The following EVA1C variants were observed in gnomAD, a reference collection of about 807,000 sequenced individuals.
EVA1C encodes the protein eva-1 homolog C.
In EVA1C, 25 loss-of-function variants were observed where a neutral mutation model predicts 45.4. The ratio of observed to expected loss-of-function variants is 0.55; its 90% confidence interval spans 0.40 to 0.77. EVA1C has a LOEUF of 0.77. EVA1C is among the 30% of genes least tolerant of loss of function. The probability of loss-of-function intolerance (pLI) is 0.00; values close to 1 mark genes in which losing one functional copy is unlikely to be tolerated. For synonymous variants in EVA1C, 190 were observed against 221.2 expected, an observed-to-expected ratio of 0.86 and a Z score of 1.25; for missense variants, 479 against 554.8, an observed-to-expected ratio of 0.86 and a Z score of 1.37.
chr21:32,441,257 GC>G (rs1186299022), intron 1 of EVA1C, among the ~76,000 whole-genome samples: 3 of 152,158 alleles, frequency 2.0e-5, no homozygotes, highest in Non-Finnish European at 2.9e-5. Flanking sequence ...GCAAGATAAA[GC>G]AGAGTTAGGG....
At chr21:32,497,470 AG>A (rs1044674264) in intron 5 of EVA1C, among the ~76,000 whole-genome samples, 2 of 152,202 alleles carry the variant, frequency 1.3e-5, no homozygotes, top group Non-Finnish European at 2.9e-5. Context: ...TATTTTTATA[AG>A]TAAATTACTG....
chr21:32,460,337 C>G (rs1489165581), intron 3 of EVA1C, among the ~76,000 whole-genome samples: 1 of 152,186 alleles, frequency 6.6e-6, no homozygotes, highest in African/African-American at 2.4e-5. Flanking sequence ...CAAAAAACAA[C>G]AACAAAAAAC....
chr21:32,436,984 A>C (rs1045616543), intron 1 of EVA1C, among the ~76,000 whole-genome samples: 5 of 152,020 alleles, frequency 3.3e-5, no homozygotes, highest in African/African-American at 1.2e-4. Flanking sequence ...ATATGGTGAA[A>C]CCCACTCTCT....
chr21:32,412,783 G>A lies in EVA1C; in HGVS notation c.-71G>A. On this transcript the variant is annotated 5_prime_UTR_variant, in exon 1 of 8. The change abolishes the stop of an existing upstream ORF in the 5' untranslated region. Coordinates refer to ENST00000300255, the MANE Select transcript of EVA1C (RefSeq NM_058187.5). ...TGGCCATCGATTCTCCCCGCCATGT[G>A]ACGCCGTCCTTAGCCCTGCGACCCC... 1 of 1,292,490 alleles carries A rather than the reference G, an allele frequency of 7.7e-7. No individual in the cohort carries two copies. Among genetic ancestry groups the A allele is most frequent in the African/African-American group, 1.6e-5 (1 of 64,078 alleles). 80.1% of individuals were successfully genotyped at this position (1,292,490 alleles called of 1,614,324 possible). A position where few individuals can be genotyped will look rare whatever the true frequency, so the allele number is the denominator to read the frequency against.
intron 1 of EVA1C, among the ~76,000 whole-genome samples, chr21:32,442,159 TCA>T (rs940532433): frequency 3.3e-5 from 5 of 152,224 alleles, no homozygotes; most frequent in Non-Finnish European, 7.3e-5. Context: ...GTCTGGACTC[TCA>T]GTTTACCTTC....
At chr21:32,503,233 A>G (rs1204859484) in intron 6 of EVA1C, among the ~76,000 whole-genome samples, 3 of 152,196 alleles carry the variant, frequency 2.0e-5, no homozygotes, top group Admixed American at 6.5e-5. Flanking sequence ...CACAGCAGAC[A>G]TCAAATCCAT....
At chr21:32,489,443 G>T (rs940179037) in intron 4 of EVA1C, among the ~76,000 whole-genome samples, 10 of 152,088 alleles carry the variant, frequency 6.6e-5, no homozygotes, top group African/African-American at 2.4e-4. Flanking sequence ...TTTCTATTCT[G>T]TTCCATTAGT....
In EVA1C at chr21:32,431,654, TTTA is replaced by T. The variant is rs949377382; in HGVS notation, c.160+18650_160+18652del. Among the ~76,000 whole-genome samples, 27 of 152,322 alleles carry T rather than the reference TTTA, an allele frequency of 1.8e-4. No homozygotes were observed. The South Asian group carries it at 4.3e-3, about 25-fold the overall frequency. ...TTATTTAGTTATTAAATATGTAATA[TTTA>T]TTATTATTTTTCCAGACACAGAAGC... On this transcript the variant is annotated intron_variant, in intron 1 of 7. Transcript: ENST00000300255.
chr21:32,510,909 A>G (rs1331785005), intron 7 of EVA1C, among the ~76,000 whole-genome samples: 1 of 152,128 alleles, frequency 6.6e-6, no homozygotes, highest in Non-Finnish European at 1.5e-5. Flanking sequence ...GCATGGTAGT[A>G]CATGCCTGTA....
chr21:32,509,517 G>C (rs1322553681), intron 7 of EVA1C, among the ~76,000 whole-genome samples: 2 of 152,212 alleles, frequency 1.3e-5, no homozygotes, highest in Non-Finnish European at 2.9e-5. Context: ...GCGCCAAGCT[G>C]AGTGCTTAAA....
chr21:32,465,307 G>A (rs867170571), intron 3 of EVA1C, among the ~76,000 whole-genome samples: 5 of 152,306 alleles, frequency 3.3e-5, no homozygotes, highest in Admixed American at 1.3e-4. Flanking sequence ...ACATGAGCAC[G>A]TGAGAGGAGT....
chr21:32,445,509 C>G (rs377545503), intron 1 of EVA1C, among the ~76,000 whole-genome samples: 58 of 152,298 alleles, frequency 3.8e-4, no homozygotes, highest in African/African-American at 1.4e-3. Context: ...CGACCCAGTT[C>G]CCAGCTTGAC....
chr21:32,446,397 G>T (rs1183724991), intron 1 of EVA1C, among the ~76,000 whole-genome samples: 1 of 152,188 alleles, frequency 6.6e-6, no homozygotes, highest in Non-Finnish European at 1.5e-5. Context: ...AATAGAGTTA[G>T]ATTGTAAAAG....
In EVA1C at chr21:32,504,069, G is replaced by A. The variant is rs536058536; in HGVS notation, c.949+54G>A. On this transcript the variant is annotated intron_variant, in intron 7 of 7. Coordinates refer to ENST00000300255, the MANE Select transcript of EVA1C (RefSeq NM_058187.5). ...ATGCTGATGGATTTACTAAAGTCTT[G>A]TTAATAAATGTGCTGTTCAATTATA... 716 of 1,238,760 alleles carry A rather than the reference G, an allele frequency of 5.8e-4. 7 individuals carry two copies. The South Asian group carries it at 8.6e-3, about 15-fold the overall frequency. The allele number at this position is 1,238,760 out of a possible 1,614,324, so 76.7% of individuals were successfully genotyped here.
intron 7 of EVA1C, among the ~76,000 whole-genome samples, chr21:32,507,150 C>A (rs1338765494): frequency 1.3e-5 from 2 of 152,170 alleles, no homozygotes; most frequent in Non-Finnish European, 2.9e-5. Flanking sequence ...GTCCAAGGGT[C>A]CCTGGTGAAG....
At chr21:32,455,306 A>G (rs1401684843) in intron 2 of EVA1C, among the ~76,000 whole-genome samples, 1 of 152,168 alleles carries the variant, frequency 6.6e-6, no homozygotes, top group African/African-American at 2.4e-5. Context: ...TACTCCTGAA[A>G]AAAAACAAAA....
chr21:32,417,871 C>T (rs538905053), intron 1 of EVA1C, among the ~76,000 whole-genome samples: 3 of 152,122 alleles, frequency 2.0e-5, no homozygotes, highest in Non-Finnish European at 4.4e-5. Context: ...ATGTAATTGG[C>T]CCTGGGAGAG....
chr21:32,426,430 T>C (rs1041027769), intron 1 of EVA1C, among the ~76,000 whole-genome samples: 3 of 151,738 alleles, frequency 2.0e-5, no homozygotes, highest in Non-Finnish European at 2.9e-5. Context: ...CAGAGATTTT[T>C]TTTTTTTGGC....
Position 32,445,217 on chromosome 21 carries a change from A to G in EVA1C, c.161-8095A>G, listed in dbSNP as rs565680581. On this transcript the variant is annotated intron_variant, in intron 1 of 7. Transcript: ENST00000300255. ...ACTTGTCCGGCTAAGGGAATCTGCA[A>G]TTTTACATAAGATAACGTAAACAAT... Among the ~76,000 whole-genome samples the G allele has an allele frequency of 3.1e-4, 47 of 152,326 alleles. 1 individual carries two copies. Among genetic ancestry groups the G allele is most frequent in the Admixed American group, 3.0e-3 (46 of 15,298 alleles).
Sources: gnomAD v4.1 joint callset for allele counts (sites outside exome capture counted in the v4.1 genomes callset) on GRCh38, gnomAD v4.1.1 for gene constraint, MANE v1.5 for transcripts, NCBI Gene and HGNC (gene_info 2026-07-23, HGNC 2026-07-21) for gene names.